Variants in RUBCNL observed in about 807,000 individuals in gnomAD.
RUBCNL encodes rubicon like autophagy enhancer, also known as protein associated with UVRAG as autophagy enhancer.
In RUBCNL, 62 loss-of-function variants were observed where a neutral mutation model predicts 69.5. That is an observed-to-expected ratio of 0.89 (90% confidence interval 0.73 to 1.10). RUBCNL has a LOEUF of 1.10. Ranked by LOEUF, RUBCNL falls within the 50% of genes least tolerant of loss-of-function variation. The pLI is 0.00. For missense variants in RUBCNL, 768 were observed against 798.1 expected (o/e 0.96, Z 0.45); for synonymous variants, 291 against 303.6 (o/e 0.96, Z 0.43).
At position 46,338,821 on chromosome 13, in the gene RUBCNL, C is replaced by T. The variant is rs563739195; in HGVS notation, c.*4564G>A. Among the ~76,000 whole-genome samples, 4 of 152,108 alleles carry T rather than the reference C, an allele frequency of 2.6e-5. No homozygotes were observed. Among genetic ancestry groups the T allele is most frequent in the Non-Finnish European group, 5.9e-5 (4 of 68,000 alleles). On this transcript the variant is annotated 3_prime_UTR_variant, in exon 15 of 15. Transcript: ENST00000429979. ...CCTGTAATCCAAGCACTTTGGGAGG[C>T]CGAGGCGGGTAGATCACTTCTGAGA...
intron 9 of RUBCNL, among the ~76,000 whole-genome samples, chr13:46,356,857 C>T (rs34598691): frequency 0.022 from 3,393 of 151,438 alleles, 77 homozygotes; most frequent in Non-Finnish European, 0.03. Flanking sequence ...ATGTACACGC[C>T]ACCATGCCCA....
In RUBCNL at chr13:46,345,463, T is replaced by C. The variant is rs569892829; in HGVS notation, c.1769A>G (p.His590Arg). ...CACCCTCACCTCACAGCCAGCCACA[T>C]GTGCAAGGGAAGCTTTCAGAATGTC... ...LKDILKASLAHVAGCELCQGK... is the reference protein window; with the variant it reads ...LKDILKASLARVAGCELCQGK... Residue 590 changes from histidine to arginine, a missense_variant, in exon 13 of 15, where the codon CAT becomes CGT. Physicochemically the swap from His to Arg is conservative, Grantham distance 29. Transcript: ENST00000429979. 2 of 1,566,122 alleles carry C rather than the reference T, an allele frequency of 1.3e-6. No individual in the cohort carries two copies. The highest frequency in any genetic ancestry group is 1.9e-5 in the Admixed American group (1 of 52,132).
rs2048105133 is a variant in RUBCNL, at chr13:46,336,358, A to C, written c.*7027T>G. On this transcript the variant is annotated 3_prime_UTR_variant, in exon 15 of 15. Transcript: ENST00000429979. ...CAGTAGAAATGCAACCATTACTCTT[A>C]AAAGTTGTATAGTACTGATCTCATT... is the stretch of plus-strand genomic sequence containing the variant. Among the ~76,000 whole-genome samples the C allele has an allele frequency of 6.6e-6, 1 of 152,182 alleles. No individual in the cohort carries two copies. Among genetic ancestry groups the C allele is most frequent in the Non-Finnish European group, 1.5e-5 (1 of 68,034 alleles).
chr13:46,387,855 G>C, upstream of RUBCNL: 1 of 985,476 alleles, frequency 1.0e-6, no homozygotes, highest in Non-Finnish European at 1.2e-6. Flanking sequence ...GGTTAGTCCT[G>C]AGATCATGGT....
At chr13:46,344,630 C>T (rs2048204978) in intron 14 of RUBCNL, 111 bp downstream of exon 14, 2 of 722,592 alleles carry the variant, frequency 2.8e-6, no homozygotes, top group Admixed American at 4.9e-5. Flanking sequence ...AATAACTGTG[C>T]TTAAATTATT....
intron 1 of RUBCNL, among the ~76,000 whole-genome samples, chr13:46,382,103 AC>A (rs2049130430): frequency 6.6e-6 from 1 of 152,070 alleles, no homozygotes; most frequent in Non-Finnish European, 1.5e-5. Flanking sequence ...GCCTGGCTAG[AC>A]TTGTACACTT....
At chr13:46,386,698 TTC>T (rs989491272) in intron 1 of RUBCNL, among the ~76,000 whole-genome samples, 1 of 152,168 alleles carries the variant, frequency 6.6e-6, no homozygotes, top group African/African-American at 2.4e-5. Flanking sequence ...CCAAATGTTT[TTC>T]TGTCACCACA....
chr13:46,357,810 A>T (rs899784677), intron 9 of RUBCNL, among the ~76,000 whole-genome samples: 28 of 151,956 alleles, frequency 1.8e-4, no homozygotes, highest in African/African-American at 6.8e-4. Flanking sequence ...TTGTATTTTT[A>T]GTAGAGACAG....
chr13:46,344,609 A>C, intron 14 of RUBCNL, 132 bp downstream of exon 14: 1 of 659,828 alleles, frequency 1.5e-6, no homozygotes, highest in African/African-American at 1.8e-5. Flanking sequence ...CACCAGCATG[A>C]CTGTACTTTA....
intron 1 of RUBCNL, among the ~76,000 whole-genome samples, chr13:46,381,898 G>A (rs184593317): frequency 3.3e-5 from 5 of 152,152 alleles, no homozygotes; most frequent in African/African-American, 1.2e-4. Context: ...TTGACCTCCC[G>A]GGCTCTAGTG....
chr13:46,388,287 AAGGGAGGG>A (rs933612936), upstream of RUBCNL, among the ~76,000 whole-genome samples: 1 of 136,864 alleles, frequency 7.3e-6, no homozygotes, highest in Non-Finnish European at 1.6e-5. Flanking sequence ...GAAGGAACCC[AAGGGAGGG>A]AGGGAGGGAA....
chr13:46,354,896 T>C lies in RUBCNL; in HGVS notation c.1330+1536A>G, dbSNP rs779290126. 25 of 456,272 alleles carry C rather than the reference T, an allele frequency of 5.5e-5. 1 individual carries two copies. Among genetic ancestry groups the C allele is most frequent in the South Asian group, 3.4e-4 (22 of 64,542 alleles). The allele number at this position is 456,272 out of a possible 1,614,324, so 28.3% of individuals were successfully genotyped here. ...AAATAACAAAAAGTTGGTGGAGCGA[T>C]AGTCATATGTGTACAGTTTCTGACT... On this transcript the variant is annotated intron_variant, in intron 10 of 14. Coordinates refer to ENST00000429979, the MANE Select transcript of RUBCNL (RefSeq NM_025113.5).
intron 9 of RUBCNL, 109 bp from the exon 10 acceptor site, chr13:46,356,605 A>G (rs1254133982): frequency 2.4e-6 from 2 of 819,640 alleles, no homozygotes; most frequent in Non-Finnish European, 3.9e-6. Flanking sequence ...TAAGGGCCTT[A>G]ACTTTGTCAC....
At chr13:46,376,781 G>A (rs2138826102) in intron 2 of RUBCNL, among the ~76,000 whole-genome samples, 1 of 152,254 alleles carries the variant, frequency 6.6e-6, no homozygotes, top group Admixed American at 6.5e-5. Context: ...TTTCAGACCA[G>A]AAGATATGTT....
upstream of RUBCNL, chr13:46,387,894 A>T (rs981096304): frequency 2.4e-5 from 23 of 974,640 alleles, no homozygotes; most frequent in Non-Finnish European, 2.8e-5. Context: ...CAACCAATAC[A>T]GAAAGTTGTC....
intron 1 of RUBCNL, 40 bp from the exon 2 acceptor site, chr13:46,378,045 A>G (rs2049035709): frequency 1.9e-6 from 2 of 1,036,514 alleles, no homozygotes; most frequent in African/African-American, 3.2e-5. Flanking sequence ...CTATGATACC[A>G]CTGCCAGGTA....
intron 10 of RUBCNL, among the ~76,000 whole-genome samples, chr13:46,356,123 A>T (rs547727161): frequency 6.6e-6 from 1 of 152,292 alleles, no homozygotes; most frequent in East Asian, 1.9e-4. Context: ...TGGGGGAGAG[A>T]AAACCACAAA....
At chr13:46,355,161 C>G (rs1478239551) in intron 10 of RUBCNL, among the ~76,000 whole-genome samples, 3 of 152,144 alleles carry the variant, frequency 2.0e-5, no homozygotes, top group African/African-American at 4.8e-5. Flanking sequence ...CTATCAAAGG[C>G]TAAGGGAACT....
intron 9 of RUBCNL, among the ~76,000 whole-genome samples, chr13:46,357,129 T>G (rs58466789): frequency 1.3e-5 from 2 of 150,706 alleles, no homozygotes; most frequent in Non-Finnish European, 3.0e-5. Flanking sequence ...GATCACGAGG[T>G]CAGGAGATGG....
Sources: allele counts gnomAD v4.1 joint callset (sites outside exome capture counted in the v4.1 genomes callset), GRCh38; gene constraint gnomAD v4.1.1; transcripts MANE v1.5; gene names NCBI Gene and HGNC (gene_info 2026-07-23, HGNC 2026-07-21).